The following BCKDHB variants were observed in gnomAD, a reference collection of about 807,000 sequenced individuals.
BCKDHB encodes branched chain keto acid dehydrogenase E1 subunit beta.
A neutral mutation model predicts 48.5 loss-of-function variants in BCKDHB; 41 were observed. The ratio of observed to expected loss-of-function variants is 0.85; its 90% CI spans 0.66 to 1.10. BCKDHB has a LOEUF of 1.10. Among genes scored for constraint, BCKDHB ranks in the 50% least tolerant of loss-of-function variants. The pLI, the probability that BCKDHB is intolerant of heterozygous loss-of-function variation, is 0.00. For missense variants in BCKDHB, 496 were observed against 494.2 expected (o/e 1.00, Z -0.03); for synonymous variants, 201 against 174.8 (o/e 1.15, Z -1.18).
downstream of BCKDHB, among the ~76,000 whole-genome samples, chr6:80,350,394 T>G (rs1393707965): frequency 5.5e-5 from 5 of 90,948 alleles, no homozygotes; most frequent in East Asian, 6.6e-4. Context: ...AATAGTGGGT[T>G]TTTTTTTTCC....
At chr6:80,415,230 T>A in the BCKDHB span, among the ~76,000 whole-genome samples, 9 of 152,284 alleles carry the variant, frequency 5.9e-5, no homozygotes, top group Non-Finnish European at 1.3e-4. Context: ...TGACTTCCTC[T>A]TTTACTATTT....
chr6:80,359,578 G>C, the BCKDHB span, among the ~76,000 whole-genome samples: 736 of 150,562 alleles, frequency 4.9e-3, 4 homozygotes, highest in African/African-American at 0.017. Flanking sequence ...GGCTTAATAC[G>C]CTTGTTTCTT....
At chr6:80,446,095 C>T in the BCKDHB span, among the ~76,000 whole-genome samples, 1 of 152,136 alleles carries the variant, frequency 6.6e-6, no homozygotes, top group African/African-American at 2.4e-5. Context: ...GGCTATAGGC[C>T]TTATTGGCTG....
At chr6:80,369,018 A>G in the BCKDHB span, among the ~76,000 whole-genome samples, 2 of 95,574 alleles carry the variant, frequency 2.1e-5, 1 homozygote, top group African/African-American at 9.1e-5. Flanking sequence ...ATCTCAAAAA[A>G]AAAAAAAACA....
the BCKDHB span, among the ~76,000 whole-genome samples, chr6:80,379,091 A>G: frequency 6.6e-6 from 1 of 152,080 alleles, no homozygotes; most frequent in Non-Finnish European, 1.5e-5. Flanking sequence ...AACTCATTCT[A>G]TAAATCCGGT....
chr6:80,183,677 T>C (rs73750074), intron 6 of BCKDHB, among the ~76,000 whole-genome samples: 3,173 of 152,298 alleles, frequency 0.021, 99 homozygotes, highest in African/African-American at 0.072. Flanking sequence ...TGATGACATG[T>C]ATCTACCACT....
intron 3 of BCKDHB, among the ~76,000 whole-genome samples, chr6:80,161,524 T>C (rs1179392381): frequency 6.6e-6 from 1 of 152,204 alleles, no homozygotes; most frequent in East Asian, 1.9e-4. Context: ...TGTTAAATGC[T>C]GTCAGTGTGC....
intron 8 of BCKDHB, among the ~76,000 whole-genome samples, chr6:80,240,059 T>C (rs1238163645): frequency 6.6e-6 from 1 of 152,206 alleles, no homozygotes; most frequent in Non-Finnish European, 1.5e-5. Flanking sequence ...TTTGTTCTTT[T>C]TGCTTAGAAT....
At chr6:80,150,306 A>G (rs961896849) in intron 3 of BCKDHB, among the ~76,000 whole-genome samples, 2 of 152,132 alleles carry the variant, frequency 1.3e-5, no homozygotes. Context: ...TTACTTATAT[A>G]TAATATTCAC....
rs1418795826 is a variant in BCKDHB at position 80,273,137 on chromosome 6, T to G, written c.954T>G (p.Ser318=). The G allele has an allele frequency of 6.2e-7, 1 of 1,613,072 alleles. No homozygotes were observed. The highest frequency in any genetic ancestry group is 8.5e-7 in the Non-Finnish European group (1 of 1,179,238). Residue 318 remains serine (S), a splice_region_variant and synonymous_variant, in exon 9 of 10, where the codon TCT becomes TCG. Transcript: ENST00000320393. ...IPWDVDTICK[S]VIKTGRLLIS... ...CAGGTTTTTCTTTTCTCTTTCAGTC[T>G]GTGATCAAAACAGGGCGACTGCTAA...
the BCKDHB span, among the ~76,000 whole-genome samples, chr6:80,418,022 G>GT: frequency 1.3e-5 from 2 of 152,056 alleles, no homozygotes; most frequent in Admixed American, 6.5e-5. Flanking sequence ...TGGAGGTTTT[G>GT]TTTTTTCCTT....
chr6:80,206,541 T>TTG (rs35972426), intron 8 of BCKDHB, among the ~76,000 whole-genome samples: 24,019 of 145,692 alleles, frequency 0.16, 2,004 homozygotes, highest in South Asian at 0.32. Flanking sequence ...CCTAGAAAGT[T>TTG]TGTGTGTGTG....
At chr6:80,353,329 G>A in the BCKDHB span, among the ~76,000 whole-genome samples, 1 of 152,152 alleles carries the variant, frequency 6.6e-6, no homozygotes, top group Non-Finnish European at 1.5e-5. Context: ...TCTATATAGT[G>A]CTATGATAAA....
chr6:80,318,451 C>G (rs779964060), intron 9 of BCKDHB, among the ~76,000 whole-genome samples: 1 of 152,012 alleles, frequency 6.6e-6, no homozygotes, highest in Non-Finnish European at 1.5e-5. Flanking sequence ...CTTTGGGAGG[C>G]CAAGGCAAGT....
At chr6:80,323,991 C>G (rs1021302461) in intron 9 of BCKDHB, among the ~76,000 whole-genome samples, 5 of 152,136 alleles carry the variant, frequency 3.3e-5, no homozygotes, top group East Asian at 1.9e-4. Context: ...CCAGGGTGGT[C>G]TCGATCTCCT....
chr6:80,143,631 A>G (rs1328213215), intron 3 of BCKDHB, among the ~76,000 whole-genome samples: 1 of 152,184 alleles, frequency 6.6e-6, no homozygotes, highest in East Asian at 1.9e-4. Context: ...TCAGTTAGGT[A>G]AAGGTTGGCA....
At chr6:80,359,634 G>A in the BCKDHB span, among the ~76,000 whole-genome samples, 7 of 152,192 alleles carry the variant, frequency 4.6e-5, no homozygotes, top group East Asian at 3.9e-4. Context: ...TCCCTCTGTC[G>A]CCAAGGCTGG....
intron 3 of BCKDHB, among the ~76,000 whole-genome samples, chr6:80,132,581 T>C (rs994247306): frequency 1.3e-5 from 2 of 152,170 alleles, no homozygotes; most frequent in African/African-American, 4.8e-5. Context: ...AGTCCAGTGC[T>C]CTTAGAGGGT....
chr6:80,163,964 A>G (rs1772448043), intron 3 of BCKDHB, among the ~76,000 whole-genome samples: 1 of 152,184 alleles, frequency 6.6e-6, no homozygotes, highest in South Asian at 2.1e-4. Context: ...GCTATTATGC[A>G]TTGTTATCTC....
Sources: gnomAD v4.1 joint callset for allele counts (sites outside exome capture counted in the v4.1 genomes callset) on GRCh38, gnomAD v4.1.1 for gene constraint, MANE v1.5 for transcripts, NCBI Gene and HGNC (gene_info 2026-07-23, HGNC 2026-07-21) for gene names.